The following MYO18A variants were observed in gnomAD, a reference collection of about 807,000 sequenced individuals.
MYO18A encodes the protein myosin XVIIIA, also known as unconventional myosin-XVIIIa.
Under a neutral mutation model 235.8 loss-of-function variants are expected in MYO18A, and 78 were observed. The observed-to-expected ratio is 0.33, with a 90% CI of 0.28 to 0.40. MYO18A has a LOEUF of 0.40. MYO18A is among the 10% of genes least tolerant of loss of function. The pLI is 1.00. For synonymous variants in MYO18A, 977 were observed against 1,077.8 expected (o/e 0.91, Z 1.83); for missense variants, 2,215 against 2,699.3 (o/e 0.82, Z 3.98).
Position 29,073,801 on chromosome 17 carries a change from T to C in MYO18A, c.*969A>G. On this transcript the variant is annotated 3_prime_UTR_variant, in exon 42 of 42. Coordinates refer to ENST00000527372, the MANE Select transcript of MYO18A (RefSeq NM_078471.4). Reference sequence around the variant, plus strand: ...AGGACACAGAGTGAGGACTCATGTCTAATGAGCACCGGCCAAAACTTCCAT... The same window carrying C: ...AGGACACAGAGTGAGGACTCATGTCCAATGAGCACCGGCCAAAACTTCCAT... 6.5e-7 allele frequency: 1 copy of C among 1,533,454 alleles called. No individual in the cohort carries two copies. Among genetic ancestry groups the C allele is most frequent in the African/African-American group, 1.4e-5 (1 of 73,458 alleles). 95.0% of individuals were successfully genotyped at this position (1,533,454 alleles called of 1,614,324 possible).
chr17:29,115,528 C>T, intron 12 of MYO18A, 87 bp from the exon 13 acceptor site: 7 of 1,504,632 alleles, frequency 4.7e-6, no homozygotes, highest in East Asian at 2.4e-5. Context: ...GCCCAGTCAG[C>T]ACGGGGCCTG....
At position 29,120,958 on chromosome 17, in the gene MYO18A, C is replaced by T. The variant is rs768015671; in HGVS notation, c.1585+40G>A. On this transcript the variant is annotated intron_variant, in intron 6 of 41. Transcript: ENST00000527372. This position sits in a 1 kb window ranked among gnomAD's most constrained non-coding sequence, Gnocchi z 4.2. ...GGTGCTCTCTCCTCACTCCCCTCCC[C>T]TCACCCCACTTTCAGTTTTCTCCCT... is the stretch of plus-strand genomic sequence containing the variant. 1.3e-6 allele frequency: 2 copies of T among 1,586,956 alleles called. No individual in the cohort carries two copies. Among genetic ancestry groups the T allele is most frequent in the Non-Finnish European group, 1.7e-6 (2 of 1,166,746 alleles).
Position 29,073,743 on chromosome 17 carries a change from G to T in MYO18A, c.*1027C>A. The T allele has an allele frequency of 9.0e-7, 1 of 1,115,738 alleles. No homozygotes were observed. The highest frequency in any genetic ancestry group is 1.3e-6 in the Non-Finnish European group (1 of 771,586). 69.1% of individuals were successfully genotyped at this position (1,115,738 alleles called of 1,614,324 possible). A position where few individuals can be genotyped will look rare whatever the true frequency, so the allele number is the denominator to read the frequency against. On this transcript the variant is annotated 3_prime_UTR_variant, in exon 42 of 42. Coordinates refer to ENST00000527372, the MANE Select transcript of MYO18A (RefSeq NM_078471.4). Reference sequence around the variant, plus strand: ...GTGTTGTGTCTGGGATAAGTGTGTGGGGGCAGGGAGGTTGGAAGAATGACA... The same window carrying T: ...GTGTTGTGTCTGGGATAAGTGTGTGTGGGCAGGGAGGTTGGAAGAATGACA...
At chr17:29,164,098 C>T (rs2068230703) in intron 2 of MYO18A, among the ~76,000 whole-genome samples, 1 of 152,188 alleles carries the variant, frequency 6.6e-6, no homozygotes, top group South Asian at 2.1e-4. Flanking sequence ...TCCTGTTGGT[C>T]AGGCTGGTCT....
rs544752202 is a variant in MYO18A at position 29,072,574 on chromosome 17, C to G, written c.*2196G>C. 1.3e-5 allele frequency: 2 copies of G among 152,416 alleles called. No homozygotes were observed. The highest frequency in any genetic ancestry group is 3.9e-4 in the East Asian group (2 of 5,178). 9.4% of individuals were successfully genotyped at this position (152,416 alleles called of 1,614,324 possible). On this transcript the variant is annotated 3_prime_UTR_variant, in exon 42 of 42. Transcript: ENST00000527372. The stretch of plus-strand genomic sequence containing the variant: ...TTTACTATTGTTTCTATCCTCTTCT[C>G]TGTTCTATCGTGGGGCAATGGAGGG...
At chr17:29,155,713 A>C (rs1178978028) in intron 2 of MYO18A, among the ~76,000 whole-genome samples, 1 of 152,214 alleles carries the variant, frequency 6.6e-6, no homozygotes, top group Non-Finnish European at 1.5e-5. Context: ...CTGGGTCCAG[A>C]GGCCTGGCCC....
chr17:29,088,345 C>T (rs534069072), intron 37 of MYO18A, among the ~76,000 whole-genome samples: 14 of 152,266 alleles, frequency 9.2e-5, no homozygotes, highest in African/African-American at 2.6e-4. Flanking sequence ...TGAGCCACCG[C>T]GCCCAGCCGA....
Position 29,117,955 on chromosome 17 carries a change from G to T in MYO18A, c.2038+90C>A. 2 of 1,443,056 alleles carry T rather than the reference G, an allele frequency of 1.4e-6. No homozygotes were observed. The highest frequency in any genetic ancestry group is 1.9e-6 in the Non-Finnish European group (2 of 1,066,528). The allele number at this position is 1,443,056 out of a possible 1,614,324, so 89.4% of individuals were successfully genotyped here. A position where few individuals can be genotyped will look rare whatever the true frequency, so the allele number is the denominator to read the frequency against. On this transcript the variant is annotated intron_variant, in intron 10 of 41. Transcript: ENST00000527372. This position sits in a 1 kb window ranked among gnomAD's most constrained non-coding sequence, Gnocchi z 4.6. ...GGGTTGTCTCAGAACGGCTAAGTCT[G>T]TGCTGGGCAAGAATAAACTGGGAGT...
chr17:29,168,091 T>C (rs2068321819), intron 1 of MYO18A, among the ~76,000 whole-genome samples: 1 of 152,040 alleles, frequency 6.6e-6, no homozygotes, highest in Non-Finnish European at 1.5e-5. Context: ...TATTGTGTTC[T>C]TTCTAGGGCC....
In MYO18A at chr17:29,103,680, T is replaced by A. The variant is rs748742914; in HGVS notation, c.3442-16A>T. 1 of 1,613,422 alleles carries A rather than the reference T, an allele frequency of 6.2e-7. No homozygotes were observed. The highest frequency in any genetic ancestry group is 1.7e-5 in the Admixed American group (1 of 60,030). ...CCTCCACTGCCTGTGGAGAGAGGCC[T>A]CTGTCAGGCAGCCCGCCTGGGCCTC... On this transcript the variant is annotated splice_polypyrimidine_tract_variant and intron_variant, in intron 20 of 41. Coordinates refer to ENST00000527372, the MANE Select transcript of MYO18A (RefSeq NM_078471.4).
At chr17:29,114,422 C>T (rs1486960211) in intron 14 of MYO18A, among the ~76,000 whole-genome samples, 3 of 152,222 alleles carry the variant, frequency 2.0e-5, no homozygotes, top group Non-Finnish European at 4.4e-5. Flanking sequence ...TGCCATTTTC[C>T]TTCTGAATCC....
intron 2 of MYO18A, among the ~76,000 whole-genome samples, chr17:29,135,689 T>C (rs1726559066): frequency 6.6e-6 from 1 of 152,238 alleles, no homozygotes; most frequent in African/African-American, 2.4e-5. Context: ...GCTGTTCCTA[T>C]GAGCTTCACT....
chr17:29,094,578 C>T (rs1179558324), intron 30 of MYO18A, 72 bp downstream of exon 30: 64 of 1,508,608 alleles, frequency 4.2e-5, no homozygotes, highest in Non-Finnish European at 5.8e-5. Flanking sequence ...CTGGCCCATG[C>T]CTGAGGCTGG....
At chr17:29,179,915 G>C (rs1184796669) in intron 1 of MYO18A, among the ~76,000 whole-genome samples, 2 of 152,128 alleles carry the variant, frequency 1.3e-5, no homozygotes, top group Non-Finnish European at 2.9e-5. Flanking sequence ...GCTCCATCGT[G>C]GGGCCTGGAC....
At chr17:29,096,646 A>G in intron 28 of MYO18A, 115 bp downstream of exon 28, 1 of 1,293,382 alleles carries the variant, frequency 7.7e-7, no homozygotes, top group Non-Finnish European at 1.0e-6. Flanking sequence ...CAGGCAAGCA[A>G]GGCCCCTGGA....
chr17:29,099,306 G>A (rs1231091152), intron 22 of MYO18A, among the ~76,000 whole-genome samples: 1 of 152,194 alleles, frequency 6.6e-6, no homozygotes, highest in Admixed American at 6.5e-5. Flanking sequence ...CACAAGAGGC[G>A]GCAGTGCTGG....
At chr17:29,083,715 G>A (rs922210618) in intron 40 of MYO18A, among the ~76,000 whole-genome samples, 9 of 152,072 alleles carry the variant, frequency 5.9e-5, no homozygotes, top group Non-Finnish European at 1.2e-4. Context: ...AGACAACCTC[G>A]AAACTGCTAA....
rs1311262827 is a variant in MYO18A, at chr17:29,166,593, C to T, written c.348G>A (p.Ser116=). 1.9e-6 allele frequency: 3 copies of T among 1,613,738 alleles called. No homozygotes were observed. The highest frequency in any genetic ancestry group is 2.5e-6 in the Non-Finnish European group (3 of 1,179,868). The change falls in exon 2 of 42, where the codon TCG becomes TCA. Residue 116 remains serine, a synonymous_variant. Coordinates refer to ENST00000527372, the MANE Select transcript of MYO18A (RefSeq NM_078471.4). ...LKGEEGSFRG[S]VLQRAAKFGS... ...CGAACTTGGCTGCCCGCTGCAGCAC[C>T]GAGCCACGGAAGCTACCCTCCTCAC...
intron 2 of MYO18A, among the ~76,000 whole-genome samples, chr17:29,163,377 G>C (rs2068214637): frequency 6.6e-6 from 1 of 152,304 alleles, no homozygotes; most frequent in African/African-American, 2.4e-5. Context: ...CCACCTACCT[G>C]GGTGAGAAAA....
Sources: gnomAD v4.1 joint callset for allele counts (sites outside exome capture counted in the v4.1 genomes callset) on GRCh38, gnomAD v4.1.1 for gene constraint, Gnocchi (gnomAD v3.1) non-coding constraint, MANE v1.5 for transcripts, NCBI Gene and HGNC (gene_info 2026-07-23, HGNC 2026-07-21) for gene names.